AP3S1: variants seen among roughly 807,000 people sequenced by gnomAD.
The protein encoded by AP3S1 is adaptor related protein complex 3 subunit sigma 1, also known as AP-3 complex subunit sigma-1.
A neutral mutation model predicts 21.3 loss-of-function variants in AP3S1; 12 were observed. The ratio of observed to expected loss-of-function variants is 0.56; its 90% CI spans 0.36 to 0.91. The LOEUF is 0.91. AP3S1 is among the 40% of genes least tolerant of loss of function. AP3S1 has a pLI of 0.01. For missense variants in AP3S1, 116 were observed against 225.0 expected (o/e 0.52, Z 3.10); for synonymous variants, 48 against 78.4 (o/e 0.61, Z 2.05).
intron 3 of AP3S1, among the ~76,000 whole-genome samples, chr5:115,884,280 T>G (rs1749568627): frequency 6.6e-6 from 1 of 152,248 alleles, no homozygotes; most frequent in African/African-American, 2.4e-5. Context: ...TCTTAAGTTA[T>G]CTTAAGTATT....
rs539916979 is a variant in AP3S1, at chr5:115,884,868, T to C, written c.274-10219T>C. On this transcript the variant is annotated intron_variant, in intron 3 of 5. Transcript: ENST00000316788. The stretch of plus-strand genomic sequence containing the variant: ...TATTACATGTTGACTTGAGAGGCCC[T>C]GGCCTGATCCCAAGACTGATTCTTT... Among the ~76,000 whole-genome samples, 71 of 152,332 alleles carry C rather than the reference T, an allele frequency of 4.7e-4. 1 individual carries two copies. The highest frequency in any genetic ancestry group is 1.7e-3 in the African/African-American group (69 of 41,578).
intron 3 of AP3S1, among the ~76,000 whole-genome samples, chr5:115,876,895 C>G (rs147657066): frequency 6.6e-6 from 1 of 152,146 alleles, no homozygotes; most frequent in African/African-American, 2.4e-5. Flanking sequence ...TCCATTTGTT[C>G]CACTACTTGT....
At chr5:115,906,802 C>T (rs1422651407) in intron 5 of AP3S1, 1 of 1,492,950 alleles carries the variant, frequency 6.7e-7, no homozygotes. Flanking sequence ...CTAGCTCTTT[C>T]CATTCTTCTC....
At chr5:115,870,650 C>T (rs1331822040) in intron 3 of AP3S1, among the ~76,000 whole-genome samples, 2 of 152,196 alleles carry the variant, frequency 1.3e-5, no homozygotes, top group African/African-American at 2.4e-5. Context: ...CTTAGCTTCT[C>T]ATTGCATTTT....
chr5:115,848,394 T>C (rs556551318), intron 1 of AP3S1, among the ~76,000 whole-genome samples: 1 of 152,244 alleles, frequency 6.6e-6, no homozygotes, highest in Non-Finnish European at 1.5e-5. Flanking sequence ...TTAAACATTG[T>C]GGCTTTAAGA....
chr5:115,845,244 G>C (rs189073955), intron 1 of AP3S1, among the ~76,000 whole-genome samples: 3 of 152,298 alleles, frequency 2.0e-5, no homozygotes, highest in Admixed American at 2.0e-4. Context: ...CTGGCAGGAT[G>C]CTGAGGTTTG....
intron 5 of AP3S1, chr5:115,906,783 C>T: frequency 4.9e-6 from 7 of 1,434,274 alleles, no homozygotes; most frequent in South Asian, 1.4e-5. Context: ...TCCGAACATC[C>T]TGATCTTTCT....
At position 115,895,129 on chromosome 5, in the gene AP3S1, G is replaced by A; in HGVS notation, c.316G>A (p.Glu106Lys). ...AGACAAATGTTTTGAAAATGTCTGTGAGCTGGATTTGATTTTCCATGTAGA... is the reference window on the plus strand; with the variant it reads ...AGACAAATGTTTTGAAAATGTCTGTAAGCTGGATTTGATTTTCCATGTAGA... ...TLDKCFENVC[E>K]LDLIFHVDKV... Residue 106 changes from glutamate to lysine, a missense_variant, in exon 4 of 6, where the codon GAG becomes AAG. Transcript: ENST00000316788. 1.2e-6 allele frequency: 2 copies of A among 1,605,712 alleles called. No homozygotes were observed. The highest frequency in any genetic ancestry group is 1.7e-6 in the Non-Finnish European group (2 of 1,175,944).
At chr5:115,897,620 G>T (rs1190989372) in intron 4 of AP3S1, among the ~76,000 whole-genome samples, 2 of 151,714 alleles carry the variant, frequency 1.3e-5, no homozygotes, top group Non-Finnish European at 2.9e-5. Context: ...GGAGTGTAGT[G>T]GCGATCTCGG....
chr5:115,909,739 T>C (rs557910968), intron 5 of AP3S1, among the ~76,000 whole-genome samples: 19 of 152,308 alleles, frequency 1.2e-4, no homozygotes, highest in Non-Finnish European at 1.5e-4. Context: ...GTCAGAAATA[T>C]CTTACTTTTA....
chr5:115,890,427 T>G (rs1043468423), intron 3 of AP3S1, among the ~76,000 whole-genome samples: 5 of 152,200 alleles, frequency 3.3e-5, no homozygotes, highest in Admixed American at 2.6e-4. Context: ...TAATCTCATT[T>G]TAATATGGTT....
intron 1 of AP3S1, among the ~76,000 whole-genome samples, chr5:115,857,075 T>C (rs994147343): frequency 6.6e-5 from 10 of 152,208 alleles, no homozygotes; most frequent in Non-Finnish European, 1.0e-4. Flanking sequence ...GAAGTTCCTA[T>C]GAGAAATTCT....
intron 2 of AP3S1, among the ~76,000 whole-genome samples, chr5:115,868,191 G>A (rs976155277): frequency 6.6e-5 from 10 of 152,142 alleles, no homozygotes; most frequent in South Asian, 2.1e-4. Context: ...TGTACTTGCC[G>A]CATTAATATT....
chr5:115,844,992 G>A (rs530823397), intron 1 of AP3S1, among the ~76,000 whole-genome samples: 5 of 152,178 alleles, frequency 3.3e-5, no homozygotes, highest in Admixed American at 2.6e-4. Context: ...TCCTAGCTTG[G>A]GATAGAGTTG....
intron 4 of AP3S1, among the ~76,000 whole-genome samples, chr5:115,901,990 T>G (rs1411512721): frequency 6.6e-6 from 1 of 152,232 alleles, no homozygotes; most frequent in African/African-American, 2.4e-5. Flanking sequence ...AATTATTTAT[T>G]TAATTGTTAT....
chr5:115,866,598 A>T, intron 1 of AP3S1, 72 bp from the exon 2 acceptor site: 1 of 1,071,754 alleles, frequency 9.3e-7, no homozygotes, highest in Non-Finnish European at 1.3e-6. Context: ...GCTACCTTTG[A>T]TTTTAAAAAT....
intron 1 of AP3S1, among the ~76,000 whole-genome samples, chr5:115,862,702 A>T (rs953811620): frequency 6.6e-6 from 1 of 152,198 alleles, no homozygotes; most frequent in Non-Finnish European, 1.5e-5. Flanking sequence ...TTGTCTCTCT[A>T]GTAAATTGCA....
intron 5 of AP3S1, among the ~76,000 whole-genome samples, chr5:115,910,287 A>T (rs1005680583): frequency 4.1e-5 from 6 of 145,102 alleles, no homozygotes; most frequent in Non-Finnish European, 9.1e-5. Flanking sequence ...AAAAAAAAAA[A>T]GTTATGTGAT....
At chr5:115,859,887 C>T (rs1368719296) in intron 1 of AP3S1, among the ~76,000 whole-genome samples, 1 of 152,076 alleles carries the variant, frequency 6.6e-6, no homozygotes, top group Non-Finnish European at 1.5e-5. Context: ...TTACCTAATC[C>T]CCATGTTTTC....
Sources: gnomAD v4.1 joint callset for allele counts (sites outside exome capture counted in the v4.1 genomes callset) on GRCh38, gnomAD v4.1.1 for gene constraint, MANE v1.5 for transcripts, NCBI Gene and HGNC (gene_info 2026-07-23, HGNC 2026-07-21) for gene names.